SLC36A3: variants seen among roughly 807,000 people sequenced by gnomAD.
The protein encoded by SLC36A3 is solute carrier family 36 member 3.
A neutral mutation model predicts 44.3 loss-of-function variants in SLC36A3; 35 were observed. The observed-to-expected ratio is 0.79, with a 90% CI of 0.60 to 1.05. SLC36A3 has a LOEUF of 1.05. Ranked by LOEUF, SLC36A3 falls within the 50% of genes least tolerant of loss-of-function variation. The pLI, the probability that SLC36A3 is intolerant of heterozygous loss-of-function variation, is 0.00. For missense variants in SLC36A3, 540 were observed against 578.7 expected, an observed-to-expected ratio of 0.93 and a Z score of 0.69; for synonymous variants, 211 against 227.6, an observed-to-expected ratio of 0.93 and a Z score of 0.66.
chr5:151,278,929 CT>C, intron 9 of SLC36A3, among the ~76,000 whole-genome samples: 1 of 152,362 alleles, frequency 6.6e-6, no homozygotes, highest in South Asian at 2.1e-4. Context: ...ACGCTCCATT[CT>C]GGTCATGCCA....
In SLC36A3 at chr5:151,284,615, T is replaced by A; in HGVS notation, c.805A>T (p.Met269Leu). ...TAIFTFEGVG[M>L]VLPLKNQMKH... ...CGCGTGAACCCCATCAATCTTACCA[T>A]ACCGACGCCTTCAAATGTGAAGATG... Residue 269 changes from methionine to leucine, a missense_variant and splice_region_variant, in exon 7 of 10, where the codon ATG (methionine) becomes TTG (leucine). Met to Leu is a conservative substitution (Grantham distance 15). Coordinates refer to ENST00000335230, the MANE Select transcript of SLC36A3 (RefSeq NM_181774.4). 6.2e-7 allele frequency: 1 copy of A among 1,610,140 alleles called. No individual in the cohort carries two copies. Among genetic ancestry groups the A allele is most frequent in the East Asian group, 2.2e-5 (1 of 44,862 alleles).
intron 3 of SLC36A3, among the ~76,000 whole-genome samples, chr5:151,295,620 G>T: frequency 6.6e-6 from 1 of 152,114 alleles, no homozygotes; most frequent in East Asian, 1.9e-4. Context: ...TGCATTCTTT[G>T]TTTTTACTGC....
chr5:151,289,766 G>C (rs1462644663), intron 4 of SLC36A3, among the ~76,000 whole-genome samples: 1 of 152,144 alleles, frequency 6.6e-6, no homozygotes, highest in African/African-American at 2.4e-5. Flanking sequence ...ATACTACAGA[G>C]GTGATAGTTT....
Position 151,303,375 on chromosome 5 carries a change from G to A in SLC36A3, c.-21C>T. 4 of 1,609,104 alleles carry A rather than the reference G, an allele frequency of 2.5e-6. No homozygotes were observed. Among genetic ancestry groups the A allele is most frequent in the Non-Finnish European group, 3.4e-6 (4 of 1,176,730 alleles). On this transcript the variant is annotated 5_prime_UTR_variant, in exon 1 of 10. Transcript: ENST00000335230. Reference sequence around the variant, plus strand: ...GACATCTTCAACACGGTGGGTAGGTGGCAGAGGCTCAGGGTTAAGGCTCTG... The same window carrying A: ...GACATCTTCAACACGGTGGGTAGGTAGCAGAGGCTCAGGGTTAAGGCTCTG...
At chr5:151,301,162 G>A (rs1755154492) in intron 1 of SLC36A3, among the ~76,000 whole-genome samples, 2 of 152,122 alleles carry the variant, frequency 1.3e-5, no homozygotes, top group Non-Finnish European at 2.9e-5. Flanking sequence ...TTTATTCCTG[G>A]ACATAGGCTG....
At chr5:151,299,649 A>C (rs894284259) in intron 1 of SLC36A3, among the ~76,000 whole-genome samples, 1 of 152,144 alleles carries the variant, frequency 6.6e-6, no homozygotes, top group African/African-American at 2.4e-5. Context: ...TAAAAAGTAC[A>C]TGCGTAAGCA....
chr5:151,299,264 CTA>C (rs66776978), intron 1 of SLC36A3, among the ~76,000 whole-genome samples: 1,937 of 59,382 alleles, frequency 0.033, 15 homozygotes, highest in Middle Eastern at 0.051. Flanking sequence ...CTCTCTCTCT[CTA>C]TATATATATA....
At position 151,293,439 on chromosome 5, in the gene SLC36A3, T is replaced by A. The variant is rs377643348; in HGVS notation, c.329A>T (p.Asn110Ile). The stretch of plus-strand genomic sequence containing the variant: ...GCCGTACATCGTGGCCTCTCCATAG[T>A]TCACAAAAGTCTTCTGCAGTCTAGG... ...LSQRLQKTFV[N>I]YGEATMYGLE... is the part of the protein sequence containing the mutation. The change falls in exon 4 of 10, where the codon AAC becomes ATC. Residue 110 changes from asparagine to isoleucine, a missense_variant. Physicochemically the swap from Asn to Ile is moderately radical, Grantham distance 149. Coordinates refer to ENST00000335230, the MANE Select transcript of SLC36A3 (RefSeq NM_181774.4). 1.5e-5 allele frequency: 25 copies of A among 1,613,266 alleles called. No homozygotes were observed. Among genetic ancestry groups the A allele is most frequent in the Non-Finnish European group, 2.0e-5 (24 of 1,179,620 alleles).
In SLC36A3 at chr5:151,284,140, A is replaced by G; in HGVS notation, c.878T>C (p.Ile293Thr). Residue 293 changes from isoleucine to threonine, a missense_variant, in exon 8 of 10, where the codon ATT (isoleucine) becomes ACT (threonine). Transcript: ENST00000335230. ...CAGTAAGATATAGAGGATGATGACA[A>G]TGGACATCCCCAAGTACAGAACAAA... is the stretch of plus-strand genomic sequence containing the variant. ...FSFVLYLGMSIVIILYILLGT... is the reference protein window; with the variant it reads ...FSFVLYLGMSTVIILYILLGT... 1 of 1,614,136 alleles carries G rather than the reference A, an allele frequency of 6.2e-7. No homozygotes were observed. The highest frequency in any genetic ancestry group is 1.1e-5 in the South Asian group (1 of 91,066).
chr5:151,299,846 G>A (rs1755110560), intron 1 of SLC36A3, among the ~76,000 whole-genome samples: 1 of 152,184 alleles, frequency 6.6e-6, no homozygotes, highest in South Asian at 2.1e-4. Flanking sequence ...ACAACATGAT[G>A]AATCATGGAA....
At chr5:151,280,453 C>CAAAT (rs768996362) in intron 9 of SLC36A3, among the ~76,000 whole-genome samples, 27 of 152,046 alleles carry the variant, frequency 1.8e-4, no homozygotes, top group Admixed American at 2.6e-4. Context: ...GACTCTGTCT[C>CAAAT]AAATAAATAA....
intron 9 of SLC36A3, among the ~76,000 whole-genome samples, chr5:151,279,266 C>CGAGGACTCCCTGGCTCGGCCAGGCTG (rs1554093843): frequency 6.6e-6 from 1 of 152,228 alleles, no homozygotes; most frequent in Non-Finnish European, 1.5e-5. Flanking sequence ...TCTTAACCAT[C>CGAGGACTCCCTGGCTCGGCCAGGCTG]ATATGGTGCA....
chr5:151,288,734 C>T (rs28636705), intron 4 of SLC36A3, among the ~76,000 whole-genome samples: 12,206 of 150,872 alleles, frequency 0.081, 659 homozygotes, highest in East Asian at 0.22. Context: ...TATATATAGA[C>T]GAATGAATAT....
intron 1 of SLC36A3, among the ~76,000 whole-genome samples, chr5:151,302,330 A>C (rs1755188193): frequency 6.6e-6 from 1 of 152,190 alleles, no homozygotes; most frequent in Non-Finnish European, 1.5e-5. Context: ...CTTTGTGCCC[A>C]CAGTTGTTAC....
chr5:151,289,722 C>A (rs1204692493), intron 4 of SLC36A3, among the ~76,000 whole-genome samples: 2 of 152,096 alleles, frequency 1.3e-5, no homozygotes, highest in African/African-American at 2.4e-5. Flanking sequence ...ATTGCTTCCT[C>A]GTGATTAAAT....
chr5:151,279,817 C>G (rs973035302), intron 9 of SLC36A3, among the ~76,000 whole-genome samples: 1 of 152,156 alleles, frequency 6.6e-6, no homozygotes, highest in South Asian at 2.1e-4. Flanking sequence ...TCTCCTGACC[C>G]CGTACGGAAA....
At chr5:151,286,624 G>A (rs1754544241) in intron 6 of SLC36A3, among the ~76,000 whole-genome samples, 1 of 152,086 alleles carries the variant, frequency 6.6e-6, no homozygotes, top group South Asian at 2.1e-4. Flanking sequence ...TTCTTAACTT[G>A]TATGATTTTT....
rs979623732 is a variant in SLC36A3, at chr5:151,298,387, A to C, written c.219+206T>G. 12 of 533,266 alleles carry C rather than the reference A, an allele frequency of 2.3e-5. 1 individual carries two copies. Among genetic ancestry groups the C allele is most frequent in the Admixed American group, 9.9e-5 (3 of 30,236 alleles). 33.0% of individuals were successfully genotyped at this position (533,266 alleles called of 1,614,324 possible). A position where few individuals can be genotyped will look rare whatever the true frequency, so the allele number is the denominator to read the frequency against. ...AAAGTAGAGTCAGATGAGCATGGTG[A>C]GTCTTTAAGAGTAATGGTGTGCCCC... is the stretch of plus-strand genomic sequence containing the variant. On this transcript the variant is annotated intron_variant, in intron 2 of 9. Transcript: ENST00000335230.
At chr5:151,288,745 T>C (rs1425326273) in intron 4 of SLC36A3, among the ~76,000 whole-genome samples, 1 of 151,426 alleles carries the variant, frequency 6.6e-6, no homozygotes, top group Non-Finnish European at 1.5e-5. Context: ...GAATGAATAT[T>C]CGTCTATACA....
Sources: gnomAD v4.1 joint callset for allele counts (sites outside exome capture counted in the v4.1 genomes callset) on GRCh38, gnomAD v4.1.1 for gene constraint, MANE v1.5 for transcripts, NCBI Gene and HGNC (gene_info 2026-07-23, HGNC 2026-07-21) for gene names.